Variants in ATP8A2 observed in about 807,000 individuals in gnomAD.
ATP8A2 encodes the protein phospholipid-transporting ATPase IB.
In ATP8A2, 100 loss-of-function variants were observed where a neutral mutation model predicts 165.6. That is an observed-to-expected ratio of 0.60 (90% CI 0.51 to 0.71). ATP8A2 has a LOEUF of 0.71. ATP8A2 is among the 30% of genes least tolerant of loss of function. The probability of loss-of-function intolerance (pLI) is 0.00; values close to 1 mark genes in which losing one functional copy is unlikely to be tolerated. For missense variants in ATP8A2, 1,227 were observed against 1,479.5 expected (o/e 0.83, Z 2.80); for synonymous variants, 543 against 548.8 (o/e 0.99, Z 0.15).
chr13:25,892,456 TTCTC>T (rs922946189), intron 33 of ATP8A2, among the ~76,000 whole-genome samples: 3 of 125,434 alleles, frequency 2.4e-5, no homozygotes, highest in Non-Finnish European at 4.6e-5. Flanking sequence ...ATGGAAACAT[TTCTC>T]TCTCTCTCTG....
At chr13:25,426,902 C>T (rs2034464784) in intron 1 of ATP8A2, among the ~76,000 whole-genome samples, 1 of 152,182 alleles carries the variant, frequency 6.6e-6, no homozygotes, top group Non-Finnish European at 1.5e-5. Flanking sequence ...GCTGAGATCA[C>T]TCCACTGCAC....
intron 27 of ATP8A2, among the ~76,000 whole-genome samples, chr13:25,823,422 T>C (rs1189000997): frequency 6.6e-6 from 1 of 152,158 alleles, no homozygotes; most frequent in Non-Finnish European, 1.5e-5. Context: ...CCTGAGCTTT[T>C]ATTTTTTATT....
chr13:25,421,788 G>C (rs866688230), intron 1 of ATP8A2, among the ~76,000 whole-genome samples: 2 of 152,212 alleles, frequency 1.3e-5, no homozygotes, highest in Non-Finnish European at 2.9e-5. Context: ...GCCCTACGTG[G>C]TGCCAAGCAA....
intron 27 of ATP8A2, among the ~76,000 whole-genome samples, chr13:25,821,724 A>T (rs554574740): frequency 1.4e-4 from 21 of 152,096 alleles, no homozygotes; most frequent in Non-Finnish European, 3.1e-4. Context: ...GGACTATATG[A>T]TTTTTTGCTG....
intron 24 of ATP8A2, among the ~76,000 whole-genome samples, chr13:25,654,168 T>A (rs1417064474): frequency 1.3e-5 from 2 of 152,172 alleles, no homozygotes; most frequent in Non-Finnish European, 2.9e-5. Context: ...GTGAGTTGCT[T>A]CTAAGGACGG....
intron 30 of ATP8A2, among the ~76,000 whole-genome samples, chr13:25,858,554 C>T (rs1030237629): frequency 2.6e-5 from 4 of 152,152 alleles, no homozygotes; most frequent in African/African-American, 9.7e-5. Context: ...GGGCTGGATT[C>T]GGAGACCCAT....
At chr13:25,820,679 T>G (rs1951156961) in intron 27 of ATP8A2, among the ~76,000 whole-genome samples, 1 of 152,208 alleles carries the variant, frequency 6.6e-6, no homozygotes, top group Non-Finnish European at 1.5e-5. Flanking sequence ...AACATTTGTA[T>G]ATGACTTACT....
chr13:25,635,207 C>G (rs1224422968), intron 24 of ATP8A2, among the ~76,000 whole-genome samples: 1 of 152,092 alleles, frequency 6.6e-6, no homozygotes, highest in Non-Finnish European at 1.5e-5. Context: ...TTCATAAACA[C>G]ACTTAGAGAG....
chr13:25,788,364 T>A (rs1019447107), intron 27 of ATP8A2, among the ~76,000 whole-genome samples: 11 of 152,238 alleles, frequency 7.2e-5, no homozygotes, highest in African/African-American at 2.7e-4. Flanking sequence ...TTCTAGTCTG[T>A]TGTTCCCCAA....
At chr13:25,833,175 A>G (rs1470245951) in intron 28 of ATP8A2, among the ~76,000 whole-genome samples, 1 of 152,112 alleles carries the variant, frequency 6.6e-6, no homozygotes, top group Non-Finnish European at 1.5e-5. Context: ...AAATGTTTAC[A>G]GTACCTACAT....
intron 28 of ATP8A2, 54 bp from the exon 29 acceptor site, chr13:25,837,109 G>A (rs1400151527): frequency 1.9e-6 from 3 of 1,589,946 alleles, no homozygotes; most frequent in Non-Finnish European, 2.6e-6. Flanking sequence ...AGGGAACAAT[G>A]AAGCCGTGTG....
chr13:25,791,487 T>C (rs1387965226), intron 27 of ATP8A2, among the ~76,000 whole-genome samples: 1 of 150,748 alleles, frequency 6.6e-6, no homozygotes, highest in Non-Finnish European at 1.5e-5. Context: ...ATGACACAAG[T>C]TTACCTATGT....
At chr13:25,839,886 AC>A (rs1242812944) in intron 30 of ATP8A2, among the ~76,000 whole-genome samples, 1 of 152,132 alleles carries the variant, frequency 6.6e-6, no homozygotes, top group Non-Finnish European at 1.5e-5. Flanking sequence ...AGTTTTAAAA[AC>A]TATTTGAGTC....
intron 33 of ATP8A2, among the ~76,000 whole-genome samples, chr13:25,938,338 G>A (rs1355930542): frequency 1.3e-5 from 2 of 152,124 alleles, no homozygotes; most frequent in South Asian, 2.1e-4. Flanking sequence ...GGGAGAATAC[G>A]ACAGGGAATA....
chr13:25,697,254 A>G (rs373779404), intron 24 of ATP8A2, among the ~76,000 whole-genome samples: 2 of 150,188 alleles, frequency 1.3e-5, no homozygotes, highest in African/African-American at 4.9e-5. Context: ...ATTTTCCTTG[A>G]TAGGGAAAAT....
At chr13:25,938,749 A>G (rs1954985784) in intron 33 of ATP8A2, among the ~76,000 whole-genome samples, 2 of 152,198 alleles carry the variant, frequency 1.3e-5, no homozygotes, top group Admixed American at 6.5e-5. Context: ...TTTCTTGACA[A>G]TTATTAAGGA....
At chr13:25,887,046 G>C (rs960481354) in intron 33 of ATP8A2, among the ~76,000 whole-genome samples, 46 of 152,200 alleles carry the variant, frequency 3.0e-4, no homozygotes, top group African/African-American at 1.1e-3. Context: ...TTTGTGTAAA[G>C]TTCCAGAGCT....
At chr13:25,536,545 G>T (rs1268513927) in intron 6 of ATP8A2, among the ~76,000 whole-genome samples, 2 of 152,114 alleles carry the variant, frequency 1.3e-5, no homozygotes, top group Non-Finnish European at 2.9e-5. Flanking sequence ...AGCACCAATA[G>T]GATACCTTTC....
Position 25,667,652 on chromosome 13 carries a change from T to A in ATP8A2, c.2212-31521T>A, listed in dbSNP as rs58822110. ...GCCTAGATAAGCCTCTTTTTTTTTT[T>A]ATAAATTACCCAGTCTTAGATATTC... On this transcript the variant is annotated intron_variant, in intron 24 of 36. Transcript: ENST00000381655. 3.9e-3 allele frequency among the ~76,000 whole-genome samples: 577 copies of A among 147,292 alleles called. 5 individuals carry two copies. The highest frequency in any genetic ancestry group is 3.6e-3 in the Non-Finnish European group (236 of 66,324).
Sources: allele counts gnomAD v4.1 joint callset (sites outside exome capture counted in the v4.1 genomes callset), GRCh38; gene constraint gnomAD v4.1.1; transcripts MANE v1.5; gene names NCBI Gene and HGNC (gene_info 2026-07-23, HGNC 2026-07-21).